The following ITGA9 variants were observed in gnomAD, a reference collection of about 807,000 sequenced individuals.
The protein encoded by ITGA9 is integrin alpha-9.
ITGA9 carries 56 observed loss-of-function variants against 127.8 expected under a neutral mutation model. That is an observed-to-expected ratio of 0.44 (90% CI 0.35 to 0.55). The LOEUF is 0.55. ITGA9 is among the 20% of genes least tolerant of loss of function. The pLI, the probability that ITGA9 is intolerant of heterozygous loss-of-function variation, is 0.00. For missense variants in ITGA9, 1,196 were observed against 1,347.1 expected (o/e 0.89, Z 1.76); for synonymous variants, 508 against 514.5 (o/e 0.99, Z 0.17).
intron 18 of ITGA9, among the ~76,000 whole-genome samples, chr3:37,692,164 T>G (rs1180671338): frequency 6.6e-6 from 1 of 152,168 alleles, no homozygotes; most frequent in Non-Finnish European, 1.5e-5. Flanking sequence ...ACAGTCCCAC[T>G]TGTATATGAT....
chr3:37,754,566 G>A (rs995747371), intron 23 of ITGA9, among the ~76,000 whole-genome samples: 3 of 152,118 alleles, frequency 2.0e-5, no homozygotes. Context: ...CTTGCTATGG[G>A]GCAGTGATTC....
chr3:37,472,976 T>C (rs547410584), intron 2 of ITGA9, among the ~76,000 whole-genome samples: 26 of 150,954 alleles, frequency 1.7e-4, no homozygotes, highest in Admixed American at 7.2e-4. Context: ...CCATCTCTGC[T>C]AAAAATATGA....
intron 18 of ITGA9, among the ~76,000 whole-genome samples, chr3:37,686,934 A>G (rs929929825): frequency 4.6e-5 from 7 of 152,200 alleles, no homozygotes; most frequent in Non-Finnish European, 1.0e-4. Flanking sequence ...AGTGAGGGGC[A>G]CCAGGAGAGC....
chr3:37,712,855 C>G (rs768080783), intron 18 of ITGA9, among the ~76,000 whole-genome samples: 11 of 152,080 alleles, frequency 7.2e-5, no homozygotes, highest in Non-Finnish European at 1.5e-4. Context: ...GGATGGCTCC[C>G]CAGAGGGAAG....
intron 1 of ITGA9, among the ~76,000 whole-genome samples, chr3:37,469,763 C>G (rs528541819): frequency 8.5e-5 from 13 of 152,078 alleles, no homozygotes; most frequent in Non-Finnish European, 1.8e-4. Flanking sequence ...GAATGCTGTT[C>G]ATTTGTTTTC....
chr3:37,796,934 C>A (rs1334269721), intron 26 of ITGA9, among the ~76,000 whole-genome samples: 1 of 152,086 alleles, frequency 6.6e-6, no homozygotes, highest in Non-Finnish European at 1.5e-5. Flanking sequence ...AGAACTGGGA[C>A]TCTGAAGTAT....
intron 21 of ITGA9, 140 bp from the exon 22 acceptor site, chr3:37,743,786 T>A: frequency 1.4e-6 from 1 of 715,990 alleles, no homozygotes; most frequent in Admixed American, 2.0e-5. Flanking sequence ...ACAGACTGGC[T>A]ATGTAACAGC....
chr3:37,627,506 G>C (rs555797398), intron 15 of ITGA9, among the ~76,000 whole-genome samples: 2 of 152,322 alleles, frequency 1.3e-5, no homozygotes, highest in Non-Finnish European at 2.9e-5. Flanking sequence ...CCCCGTACAC[G>C]TAGGACTACC....
intron 3 of ITGA9, among the ~76,000 whole-genome samples, chr3:37,480,814 A>G (rs537254673): frequency 6.6e-6 from 1 of 152,272 alleles, no homozygotes; most frequent in East Asian, 1.9e-4. Flanking sequence ...CTCCTGGTCC[A>G]GACCTGCATC....
chr3:37,728,718 G>A (rs1696247745), intron 18 of ITGA9, among the ~76,000 whole-genome samples: 1 of 151,522 alleles, frequency 6.6e-6, no homozygotes, highest in Admixed American at 6.6e-5. Context: ...TCCCCACCTG[G>A]GAGCAAATGC....
At chr3:37,697,383 C>T (rs572320539) in intron 18 of ITGA9, among the ~76,000 whole-genome samples, 87 of 151,228 alleles carry the variant, frequency 5.8e-4, no homozygotes, top group African/African-American at 2.0e-3. Flanking sequence ...ATGTGCACAA[C>T]GTGCAGGTTT....
chr3:37,740,310 G>A (rs764214470), intron 20 of ITGA9, among the ~76,000 whole-genome samples: 5 of 152,124 alleles, frequency 3.3e-5, no homozygotes, highest in Non-Finnish European at 5.9e-5. Context: ...CTTTTCTTCC[G>A]CCCATGCAGG....
intron 15 of ITGA9, among the ~76,000 whole-genome samples, chr3:37,595,362 G>A (rs959388052): frequency 5.3e-5 from 8 of 152,204 alleles, no homozygotes; most frequent in Non-Finnish European, 1.0e-4. Context: ...AGGAAGAAGT[G>A]CAGATGGCAG....
chr3:37,569,336 TAGTG>T (rs1250388043), intron 15 of ITGA9, among the ~76,000 whole-genome samples: 3 of 152,140 alleles, frequency 2.0e-5, no homozygotes, highest in Non-Finnish European at 4.4e-5. Context: ...CTTCCCATGA[TAGTG>T]AGAATTGTGG....
chr3:37,693,435 G>C (rs752146587), intron 18 of ITGA9, among the ~76,000 whole-genome samples: 1 of 152,124 alleles, frequency 6.6e-6, no homozygotes, highest in Non-Finnish European at 1.5e-5. Flanking sequence ...AGAAGGCATC[G>C]AGGGCTTGTA....
intron 14 of ITGA9, among the ~76,000 whole-genome samples, chr3:37,537,341 C>T (rs1699218719): frequency 3.5e-5 from 1 of 28,946 alleles, no homozygotes; most frequent in Non-Finnish European, 8.1e-5. Context: ...CCTTTGCCCT[C>T]TCCAGCCTTG....
rs188882560 is a variant in ITGA9 at position 37,658,952 on chromosome 3, G to T, written c.1916+5162G>T. On this transcript the variant is annotated intron_variant, in intron 17 of 27. Coordinates refer to ENST00000264741, the MANE Select transcript of ITGA9 (RefSeq NM_002207.3). ...TTCTTCGCTTATGAAGCTTAGTTTG[G>T]CTGGATATGAAATTCTGGTTTGAAA... 3.1e-3 allele frequency among the ~76,000 whole-genome samples: 465 copies of T among 152,282 alleles called. 4 individuals are homozygous for T. The highest frequency in any genetic ancestry group is 0.01 in the Middle Eastern group (3 of 294).
intron 5 of ITGA9, among the ~76,000 whole-genome samples, chr3:37,498,300 A>G (rs758695701): frequency 2.0e-5 from 3 of 152,130 alleles, no homozygotes; most frequent in Non-Finnish European, 4.4e-5. Context: ...AGTGTAGGGC[A>G]TGGGGGAGAC....
At chr3:37,816,786 A>G (rs1017215887) in intron 27 of ITGA9, among the ~76,000 whole-genome samples, 3 of 152,202 alleles carry the variant, frequency 2.0e-5, no homozygotes, top group Non-Finnish European at 4.4e-5. Context: ...AATCACCAGG[A>G]ACTCAATATC....
Sources: gnomAD v4.1 joint callset for allele counts (sites outside exome capture counted in the v4.1 genomes callset) on GRCh38, gnomAD v4.1.1 for gene constraint, MANE v1.5 for transcripts, NCBI Gene and HGNC (gene_info 2026-07-23, HGNC 2026-07-21) for gene names.